Variants in PDE4D observed in about 807,000 individuals in gnomAD.
The protein encoded by PDE4D is phosphodiesterase 4D.
PDE4D carries 24 observed loss-of-function variants against 87.4 expected under a neutral mutation model. The observed-to-expected ratio is 0.27, with a 90% CI of 0.20 to 0.39. The LOEUF (loss-of-function observed/expected upper bound fraction) is 0.39, where lower values mean the gene tolerates loss of function less well. Among genes scored for constraint, PDE4D ranks in the 10% least tolerant of loss-of-function variants. The pLI is 1.00. For missense variants in PDE4D, 714 were observed against 1,041.0 expected, an observed-to-expected ratio of 0.69 and a Z score of 4.32; for synonymous variants, 384 against 383.2, an observed-to-expected ratio of 1.00 and a Z score of -0.02.
At chr5:60,168,910 A>C (rs900020048) in intron 2 of PDE4D, among the ~76,000 whole-genome samples, 4 of 152,208 alleles carry the variant, frequency 2.6e-5, no homozygotes, top group African/African-American at 7.2e-5. Flanking sequence ...TACCTCATGC[A>C]ACATAATGAT....
intron 6 of PDE4D, among the ~76,000 whole-genome samples, chr5:58,997,642 G>A (rs1427057968): frequency 6.8e-6 from 1 of 146,046 alleles, no homozygotes; most frequent in African/African-American, 2.6e-5. Context: ...TAAGTAGTCT[G>A]AAAACAATAC....
intron 1 of PDE4D, among the ~76,000 whole-genome samples, chr5:59,284,447 G>T (rs1036096967): frequency 6.6e-6 from 1 of 152,074 alleles, no homozygotes; most frequent in East Asian, 1.9e-4. Flanking sequence ...TTTTTTGGCT[G>T]CATAAATGTC....
rs547431361 is a variant in PDE4D at position 60,032,889 on chromosome 5, G to A, written c.43-44172C>T. 4.6e-5 allele frequency: 7 copies of A among 152,248 alleles called. No individual in the cohort carries two copies. The South Asian group carries it at 8.3e-4, about 18-fold the overall frequency. The allele number at this position is 152,248 out of a possible 1,614,324, so 9.4% of individuals were successfully genotyped here. ...CATTCATCTTGGAAATCCATATTGC[G>A]TACTTTGAAGAACTGCAGTTCTTCT... is the stretch of plus-strand genomic sequence containing the variant. On this transcript the variant is annotated intron_variant, in intron 2 of 16. Coordinates refer to the PDE4D transcript ENST00000502484.
intron 5 of PDE4D, among the ~76,000 whole-genome samples, chr5:59,141,169 A>G (rs1777833303): frequency 6.6e-6 from 1 of 152,206 alleles, no homozygotes; most frequent in South Asian, 2.1e-4. Flanking sequence ...TGCTACCTGA[A>G]AAGTAACAAT....
chr5:59,525,968 T>C (rs1443845153), intron 1 of PDE4D, among the ~76,000 whole-genome samples: 1 of 152,118 alleles, frequency 6.6e-6, no homozygotes, highest in Non-Finnish European at 1.5e-5. Context: ...TTACCATATC[T>C]CAAGTAGTTC....
At chr5:59,665,317 C>G (rs1476967157) in intron 1 of PDE4D, among the ~76,000 whole-genome samples, 1 of 152,192 alleles carries the variant, frequency 6.6e-6, no homozygotes, top group Non-Finnish European at 1.5e-5. Context: ...TTACAATGTT[C>G]TGAGGACTAT....
chr5:59,687,266 C>T (rs960745946), intron 1 of PDE4D, among the ~76,000 whole-genome samples: 24 of 152,138 alleles, frequency 1.6e-4, no homozygotes, highest in African/African-American at 5.8e-4. Context: ...AACTCCAAGA[C>T]ACATAATTTT....
intron 1 of PDE4D, among the ~76,000 whole-genome samples, chr5:59,465,312 A>ACAC (rs1166901617): frequency 6.6e-6 from 1 of 151,926 alleles, no homozygotes; most frequent in African/African-American, 2.4e-5. Context: ...ATCACCACCT[A>ACAC]CACCACCACT....
At chr5:59,904,277 C>A (rs1374395591) in intron 3 of PDE4D, among the ~76,000 whole-genome samples, 3 of 152,070 alleles carry the variant, frequency 2.0e-5, no homozygotes, top group African/African-American at 7.2e-5. Context: ...TTCTCCCCGA[C>A]TCCTCTGAAT....
At chr5:59,284,614 G>C (rs28595613) in intron 1 of PDE4D, among the ~76,000 whole-genome samples, 15,461 of 134,382 alleles carry the variant, frequency 0.12, 965 homozygotes, top group East Asian at 0.21. Context: ...ACTGTTGGTG[G>C]GACTGTAAAC....
chr5:60,002,456 GA>G (rs1451290602), intron 2 of PDE4D, among the ~76,000 whole-genome samples: 1 of 151,902 alleles, frequency 6.6e-6, no homozygotes, highest in Non-Finnish European at 1.5e-5. Context: ...ATCAGATAAG[GA>G]CCCTATAAGA....
In PDE4D at chr5:58,974,795, T is replaced by C; in HGVS notation, c.2299A>G (p.Thr767Ala). The C allele has an allele frequency of 1.2e-6, 2 of 1,613,420 alleles. No individual in the cohort carries two copies. The highest frequency in any genetic ancestry group is 1.1e-5 in the South Asian group (1 of 91,046). Residue 767 changes from threonine to alanine, a missense_variant, in exon 15 of 15, where the codon ACT becomes GCT. Thr to Ala is a moderately conservative substitution (Grantham distance 58, BLOSUM62 0). Transcript: ENST00000340635. ...EEDTSCSDSK[T>A]LCTQDSESTE... ...GACTCTGAGTCTTGAGTACAAAGAG[T>C]CTTGGAGTCACTGCAGCTAGTGTCT...
At chr5:59,828,707 T>C (rs191500140) in intron 1 of PDE4D, among the ~76,000 whole-genome samples, 3 of 152,194 alleles carry the variant, frequency 2.0e-5, no homozygotes, top group East Asian at 3.9e-4. Context: ...CCTGACCCCA[T>C]TGTGCGTCCT....
In PDE4D at chr5:60,444,019, A is replaced by G. The variant is rs150478828; in HGVS notation, c.-90+43923T>C. On this transcript the variant is annotated intron_variant, in intron 1 of 16. Transcript: ENST00000502484. Reference sequence around the variant, plus strand: ...GATTACTGATAACTCTTGGTGACCAACTCATAATTAGGTATGTGTTAGGAC... The same window carrying G: ...GATTACTGATAACTCTTGGTGACCAGCTCATAATTAGGTATGTGTTAGGAC... Among the ~76,000 whole-genome samples the G allele has an allele frequency of 3.1e-3, 463 of 150,996 alleles. 3 individuals are homozygous for G. Among genetic ancestry groups the G allele is most frequent in the African/African-American group, 0.011 (437 of 41,126 alleles).
chr5:60,048,578 C>A (rs1400427091), intron 2 of PDE4D, among the ~76,000 whole-genome samples: 2 of 152,016 alleles, frequency 1.3e-5, no homozygotes, highest in African/African-American at 4.8e-5. Flanking sequence ...CAAAATCTCT[C>A]AGCATTTGCT....
Position 59,770,991 on chromosome 5 carries a change from T to A in PDE4D, c.455+122177A>T, listed in dbSNP as rs566880305. Among the ~76,000 whole-genome samples the A allele has an allele frequency of 6.6e-5, 10 of 151,556 alleles. No individual in the cohort carries two copies. In the East Asian group the frequency reaches 1.8e-3, roughly 27 times the overall value. ...TATAAAACATTAAAAAATAGCTGAG[T>A]GTGGTGGCATGCGTCTGCAGTCCCA... On this transcript the variant is annotated intron_variant, in intron 1 of 14. Transcript: ENST00000340635.
chr5:59,581,283 GTTC>G (rs1429512577), intron 1 of PDE4D, among the ~76,000 whole-genome samples: 2 of 152,038 alleles, frequency 1.3e-5, no homozygotes, highest in African/African-American at 4.8e-5. Context: ...GTTTTTTTGG[GTTC>G]TTCTTTGCAT....
intron 1 of PDE4D, among the ~76,000 whole-genome samples, chr5:60,509,214 T>C (rs1750460306): frequency 1.3e-5 from 2 of 152,154 alleles, no homozygotes; most frequent in Non-Finnish European, 2.9e-5. Flanking sequence ...TGGAAGCCAT[T>C]TCACATGACA....
At chr5:60,063,696 G>T (rs1026642917) in intron 2 of PDE4D, among the ~76,000 whole-genome samples, 1 of 152,086 alleles carries the variant, frequency 6.6e-6, no homozygotes, top group African/African-American at 2.4e-5. Context: ...AAATATTTAA[G>T]TGCTAAATAA....
Sources: allele counts gnomAD v4.1 joint callset (sites outside exome capture counted in the v4.1 genomes callset), GRCh38; gene constraint gnomAD v4.1.1; transcripts MANE v1.5; gene names NCBI Gene and HGNC (gene_info 2026-07-23, HGNC 2026-07-21).